Variants in USP45 observed in about 807,000 individuals in gnomAD.
The protein encoded by USP45 is ubiquitin specific peptidase 45.
A neutral mutation model predicts 95.8 loss-of-function variants in USP45; 89 were observed. The observed-to-expected ratio is 0.93, with a 90% CI of 0.78 to 1.11. USP45 has a LOEUF of 1.11. USP45 is among the 50% of genes least tolerant of loss of function. The pLI is 0.00. For missense variants in USP45, 898 were observed against 942.5 expected, an observed-to-expected ratio of 0.95 and a Z score of 0.62; for synonymous variants, 281 against 316.2, an observed-to-expected ratio of 0.89 and a Z score of 1.18.
At chr6:99,500,980 T>C (rs987311069) in intron 5 of USP45, among the ~76,000 whole-genome samples, 6 of 152,218 alleles carry the variant, frequency 3.9e-5, no homozygotes, top group East Asian at 3.8e-4. Context: ...TTGGCAACTA[T>C]ATTTTTATAT....
intron 5 of USP45, among the ~76,000 whole-genome samples, chr6:99,495,010 A>G (rs1448025140): frequency 2.0e-5 from 3 of 152,220 alleles, no homozygotes; most frequent in African/African-American, 7.2e-5. Flanking sequence ...AGACTTTCAA[A>G]GCATGACCCC....
chr6:99,451,247 C>G (rs1783778331), intron 13 of USP45, among the ~76,000 whole-genome samples: 1 of 152,100 alleles, frequency 6.6e-6, no homozygotes, highest in Admixed American at 6.6e-5. Flanking sequence ...GCAAATTGTC[C>G]CTGTTTGCAG....
rs374155233 is a variant in USP45, at chr6:99,446,331, G to A, written c.1441C>T (p.Arg481Cys). ...MFASLMNSES[R>C]LNESPTDDSE... ...TCATCAGTAGGGCTTTCATTCAGAC[G>A]TGACTCAGAATTCATGAGGCTGGCA... Residue 481 changes from arginine (R) to cysteine (C), a missense_variant, in exon 14 of 18, where the codon CGT (arginine) becomes TGT (cysteine). Transcript: ENST00000500704. The A allele has an allele frequency of 4.9e-5, 79 of 1,614,064 alleles. No individual in the cohort carries two copies. The East Asian group carries it at 6.0e-4, about 12-fold the overall frequency.
rs7744845 is a variant in USP45 at position 99,508,684 on chromosome 6, T to C, written c.199A>G (p.Lys67Glu). 0.29 allele frequency: 468,624 copies of C among 1,613,138 alleles called. 72,815 individuals are homozygous for C. Among genetic ancestry groups the C allele is most frequent in the East Asian group, 0.49 (22,042 of 44,824 alleles). ...TGCCCATCATAGAATCTTCTTTCTT[T>C]TAAACATTCTGAGCAAACTGACCAC... ...NLWSVCSECL[K>E]ERRFYDGQLV... is the part of the protein sequence containing the mutation. Residue 67 changes from lysine (K) to glutamate (E), a missense_variant, in exon 3 of 18, where the codon AAA (lysine) becomes GAA (glutamate). Lys to Glu is a moderately conservative substitution (Grantham distance 56). Coordinates refer to ENST00000500704, the MANE Select transcript of USP45 (RefSeq NM_001346022.3).
At position 99,464,829 on chromosome 6, in the gene USP45, C is replaced by G. The variant is rs375306969; in HGVS notation, c.1165-82G>C. 51 of 1,399,780 alleles carry G rather than the reference C, an allele frequency of 3.6e-5. 1 individual carries two copies. Among genetic ancestry groups the G allele is most frequent in the East Asian group, 2.1e-4 (9 of 41,888 alleles). 86.7% of individuals were successfully genotyped at this position (1,399,780 alleles called of 1,614,324 possible). On this transcript the variant is annotated intron_variant, in intron 12 of 17. Coordinates refer to ENST00000500704, the MANE Select transcript of USP45 (RefSeq NM_001346022.3). ...TCCTCATCTTAAAATTTTTGACTGACTTGAAATACAAAAAATTAACAAATT... is the reference window on the plus strand; with the variant it reads ...TCCTCATCTTAAAATTTTTGACTGAGTTGAAATACAAAAAATTAACAAATT...
intron 9 of USP45, among the ~76,000 whole-genome samples, chr6:99,473,865 C>T (rs950727761): frequency 1.3e-5 from 2 of 151,156 alleles, no homozygotes; most frequent in African/African-American, 4.9e-5. Context: ...AGTACCATTC[C>T]TCAAAGAGAT....
chr6:99,515,222 G>C (rs935786176), intron 1 of USP45, 170 bp downstream of exon 1: 1 of 152,302 alleles, frequency 6.6e-6, no homozygotes, highest in East Asian at 1.9e-4. Context: ...GCGCTCACAC[G>C]GCCCTCGGTG....
intron 7 of USP45, among the ~76,000 whole-genome samples, chr6:99,483,932 A>G (rs997220668): frequency 6.7e-5 from 10 of 150,100 alleles, no homozygotes; most frequent in Admixed American, 4.7e-4. Context: ...TAACTGTTAC[A>G]TATGTATTTT....
In USP45 at chr6:99,486,846, A is replaced by AAC. The variant is rs751668320; in HGVS notation, c.714+1352_714+1353dup. On this transcript the variant is annotated intron_variant, in intron 7 of 17. Transcript: ENST00000500704. ...ACTTACACACTTACACACACACACA[A>AAC]ACACACACACACAGGCTGATCAATT... Among the ~76,000 whole-genome samples the AAC allele has an allele frequency of 3.2e-4, 49 of 151,420 alleles. 1 individual carries two copies. In the East Asian group the frequency reaches 7.0e-3, roughly 22 times the overall value.
chr6:99,467,753 C>T (rs1268565385), intron 10 of USP45, among the ~76,000 whole-genome samples: 3 of 152,078 alleles, frequency 2.0e-5, no homozygotes, highest in East Asian at 1.9e-4. Flanking sequence ...TGAGCAGCTA[C>T]GTTTTTTAAA....
intron 2 of USP45, among the ~76,000 whole-genome samples, chr6:99,509,031 A>ACCTC (rs1385788271): frequency 1.3e-5 from 2 of 152,166 alleles, no homozygotes; most frequent in Non-Finnish European, 2.9e-5. Flanking sequence ...TGTTGCTATA[A>ACCTC]ATGGACAGCA....
chr6:99,500,673 A>T (rs530318309), intron 5 of USP45, among the ~76,000 whole-genome samples: 2 of 152,298 alleles, frequency 1.3e-5, no homozygotes, highest in South Asian at 2.1e-4. Flanking sequence ...ATTTTTCAGC[A>T]GACAGAATTA....
intron 7 of USP45, among the ~76,000 whole-genome samples, chr6:99,486,021 T>C (rs1055154248): frequency 6.6e-6 from 1 of 152,216 alleles, no homozygotes; most frequent in African/African-American, 2.4e-5. Flanking sequence ...TACCTTCGTA[T>C]GTAATAATGG....
At chr6:99,439,703 A>G in intron 16 of USP45, 66 bp downstream of exon 16, 2 of 1,153,762 alleles carry the variant, frequency 1.7e-6, no homozygotes, top group Non-Finnish European at 2.3e-6. Context: ...GCATTGTCTA[A>G]TAATATATAG....
intron 15 of USP45, among the ~76,000 whole-genome samples, chr6:99,442,075 T>C (rs1331071874): frequency 1.3e-5 from 2 of 152,176 alleles, no homozygotes; most frequent in Non-Finnish European, 2.9e-5. Flanking sequence ...TTTGCTGACA[T>C]TACATTTAGC....
chr6:99,510,324 C>A, intron 1 of USP45, 94 bp from the exon 2 acceptor site: 1 of 757,952 alleles, frequency 1.3e-6, no homozygotes. Flanking sequence ...GAAATGACTT[C>A]AATTTCAACT....
chr6:99,517,674 C>T (rs983288967), upstream of USP45, among the ~76,000 whole-genome samples: 8 of 151,370 alleles, frequency 5.3e-5, no homozygotes, highest in African/African-American at 1.9e-4. Flanking sequence ...AACTCCTGAC[C>T]TCAAGCAATC....
At chr6:99,515,722 A>T (rs570593329), upstream of USP45, among the ~76,000 whole-genome samples, 3 of 146,284 alleles carry the variant, frequency 2.1e-5, no homozygotes, top group South Asian at 6.6e-4. Flanking sequence ...GTTGCTGGGC[A>T]CCTTCTGAAA....
At chr6:99,450,141 A>G (rs1475071567) in intron 13 of USP45, among the ~76,000 whole-genome samples, 1 of 152,192 alleles carries the variant, frequency 6.6e-6, no homozygotes, top group Non-Finnish European at 1.5e-5. Flanking sequence ...AAGAGCAAAC[A>G]AATTCAAAAG....
Sources: gnomAD v4.1 joint callset for allele counts (sites outside exome capture counted in the v4.1 genomes callset) on GRCh38, gnomAD v4.1.1 for gene constraint, MANE v1.5 for transcripts, NCBI Gene and HGNC (gene_info 2026-07-23, HGNC 2026-07-21) for gene names.